CADM2: variants seen among roughly 807,000 people sequenced by gnomAD.
CADM2 encodes the protein immunoglobulin superfamily member 4D.
CADM2 carries 12 observed loss-of-function variants against 49.8 expected under a neutral mutation model. That is an observed-to-expected ratio of 0.24 (90% CI 0.15 to 0.39). The LOEUF is 0.39. Among genes scored for constraint, CADM2 ranks in the 10% least tolerant of loss-of-function variants. The pLI, the probability that CADM2 is intolerant of heterozygous loss-of-function variation, is 1.00. For missense variants in CADM2, 378 were observed against 492.3 expected (o/e 0.77, Z 2.20); for synonymous variants, 214 against 175.4 (o/e 1.22, Z -1.74).
chr3:85,165,114 A>G (rs1343255464), intron 1 of CADM2, among the ~76,000 whole-genome samples: 1 of 151,822 alleles, frequency 6.6e-6, no homozygotes, highest in Non-Finnish European at 1.5e-5. Context: ...GGTATTAAAT[A>G]TAATTAATCA....
At chr3:85,634,888 ATT>A (rs33955039) in intron 1 of CADM2, among the ~76,000 whole-genome samples, 2 of 151,744 alleles carry the variant, frequency 1.3e-5, no homozygotes, top group Admixed American at 6.6e-5. Context: ...CAGAAAATTA[ATT>A]TTTTTTAAAT....
chr3:85,119,277 T>C (rs552684812), intron 1 of CADM2, among the ~76,000 whole-genome samples: 30 of 152,210 alleles, frequency 2.0e-4, no homozygotes, highest in Middle Eastern at 3.4e-3. Flanking sequence ...GTGACATACA[T>C]GCGGACCTAT....
intron 1 of CADM2, among the ~76,000 whole-genome samples, chr3:85,592,188 A>C (rs182538441): frequency 1.3e-5 from 2 of 152,116 alleles, no homozygotes; most frequent in African/African-American, 4.8e-5. Context: ...ACATTGATAA[A>C]ACATATTATT....
At chr3:85,025,033 A>G (rs2034666671) in intron 1 of CADM2, among the ~76,000 whole-genome samples, 2 of 152,096 alleles carry the variant, frequency 1.3e-5, no homozygotes, top group African/African-American at 4.8e-5. Context: ...TATTTAAGCC[A>G]GGTTTTTCTA....
chr3:85,243,306 C>T (rs1408137598), intron 1 of CADM2, among the ~76,000 whole-genome samples: 1 of 151,744 alleles, frequency 6.6e-6, no homozygotes, highest in African/African-American at 2.4e-5. Context: ...CAATGAAAAA[C>T]AGTAGGTATC....
At chr3:85,908,610 G>T (rs1332324942) in intron 5 of CADM2, among the ~76,000 whole-genome samples, 1 of 151,948 alleles carries the variant, frequency 6.6e-6, no homozygotes, top group East Asian at 1.9e-4. Context: ...ATAATAGAAT[G>T]AGAAACTGCA....
intron 1 of CADM2, among the ~76,000 whole-genome samples, chr3:85,449,503 C>G (rs1200252771): frequency 1.3e-5 from 2 of 151,642 alleles, no homozygotes; most frequent in Non-Finnish European, 2.9e-5. Flanking sequence ...AGCATGACCT[C>G]AAGACCCGAT....
rs752550127 is a variant in CADM2, at chr3:85,897,241, C to CTTTTTTTTTTTTTTTTTTTT, written c.529+10934_529+10953dup. 4.4e-5 allele frequency among the ~76,000 whole-genome samples: 2 copies of CTTTTTTTTTTTTTTTTTTTT among 45,924 alleles called. 1 individual carries two copies. The highest frequency in any genetic ancestry group is 1.3e-4 in the African/African-American group (2 of 14,948). The allele number at this position is 45,924 out of a possible 152,430, so 30.1% of individuals were successfully genotyped here. A position where few individuals can be genotyped will look rare whatever the true frequency, so the allele number is the denominator to read the frequency against. On this transcript the variant is annotated intron_variant, in intron 5 of 9. Transcript: ENST00000383699. ...CAACAATAATTGCTTTAACCTACATCTTTTTTTTTTTTTTTTTTTTTTTTT... is the reference window on the plus strand; with the variant it reads ...CAACAATAATTGCTTTAACCTACATCTTTTTTTTTTTTTTTTTTTTTTTTTTTTTTTTTTTTTTTTTTTTT...
chr3:85,025,981 C>T (rs570195527), intron 1 of CADM2, among the ~76,000 whole-genome samples: 2 of 152,212 alleles, frequency 1.3e-5, no homozygotes, highest in East Asian at 3.9e-4. Context: ...CTACTGTTTC[C>T]GCACTTTGCC....
intron 1 of CADM2, among the ~76,000 whole-genome samples, chr3:85,340,904 C>T (rs144568087): frequency 2.6e-5 from 4 of 151,472 alleles, no homozygotes; most frequent in African/African-American, 4.8e-5. Flanking sequence ...AACTTCATTC[C>T]GTATATACTC....
At chr3:85,625,421 C>A (rs1479079783) in intron 1 of CADM2, among the ~76,000 whole-genome samples, 1 of 151,938 alleles carries the variant, frequency 6.6e-6, no homozygotes, top group African/African-American at 2.4e-5. Flanking sequence ...TGTAAGGATG[C>A]ATGCTATTAG....
chr3:85,211,565 T>A (rs2041779729), intron 1 of CADM2, among the ~76,000 whole-genome samples: 1 of 152,176 alleles, frequency 6.6e-6, no homozygotes, highest in Non-Finnish European at 1.5e-5. Flanking sequence ...AAGAGTTTAC[T>A]AATTTCCATA....
chr3:85,974,559 G>A (rs1427532387), intron 8 of CADM2, among the ~76,000 whole-genome samples: 1 of 151,686 alleles, frequency 6.6e-6, no homozygotes, highest in Non-Finnish European at 1.5e-5. Flanking sequence ...CGCAGGTTAA[G>A]CAGGAGAGAT....
At chr3:86,034,320 A>C (rs536341240) in intron 8 of CADM2, among the ~76,000 whole-genome samples, 1 of 152,116 alleles carries the variant, frequency 6.6e-6, no homozygotes, top group Non-Finnish European at 1.5e-5. Flanking sequence ...TTAGAAGGTG[A>C]AGCCTTTGGG....
intron 1 of CADM2, among the ~76,000 whole-genome samples, chr3:85,067,034 T>G (rs564654527): frequency 6.6e-6 from 1 of 152,278 alleles, no homozygotes; most frequent in Non-Finnish European, 1.5e-5. Flanking sequence ...ATTAATCATT[T>G]GATCTAGGTT....
intron 6 of CADM2, among the ~76,000 whole-genome samples, chr3:85,926,286 A>G (rs888426843): frequency 1.3e-5 from 2 of 152,060 alleles, no homozygotes; most frequent in African/African-American, 4.8e-5. Flanking sequence ...GGGCTGTCCT[A>G]TGTGCTGTGG....
chr3:85,855,617 A>AAAACATATATATATATATATATATT (rs2075284070), intron 3 of CADM2, among the ~76,000 whole-genome samples: 1 of 42,604 alleles, frequency 2.3e-5, no homozygotes, highest in Non-Finnish European at 4.7e-5. Context: ...ATATATATAT[A>AAAACATATATATATATATATATATT]AAACATATAT....
At chr3:85,043,645 C>T (rs752857773) in intron 1 of CADM2, among the ~76,000 whole-genome samples, 1 of 152,040 alleles carries the variant, frequency 6.6e-6, no homozygotes, top group Non-Finnish European at 1.5e-5. Flanking sequence ...CCCTACTACA[C>T]TCAAGTCTGG....
chr3:85,982,896 C>A (rs530531933), intron 8 of CADM2, among the ~76,000 whole-genome samples: 1 of 151,762 alleles, frequency 6.6e-6, no homozygotes, highest in East Asian at 1.9e-4. Context: ...TTACTTATTT[C>A]ATTCCTTTAT....
Sources: allele counts gnomAD v4.1 joint callset (sites outside exome capture counted in the v4.1 genomes callset), GRCh38; gene constraint gnomAD v4.1.1; transcripts MANE v1.5; gene names NCBI Gene and HGNC (gene_info 2026-07-23, HGNC 2026-07-21).